Variants in GPHN observed in about 807,000 individuals in gnomAD.
The protein encoded by GPHN is gephyrin.
Under a neutral mutation model 95.5 loss-of-function variants are expected in GPHN, and 17 were observed. That is an observed-to-expected ratio of 0.18 (90% CI 0.12 to 0.27). The LOEUF (loss-of-function observed/expected upper bound fraction) is 0.27. GPHN is among the 10% of genes least tolerant of loss of function. The pLI, the probability that GPHN is intolerant of heterozygous loss-of-function variation, is 1.00. For missense variants in GPHN, 660 were observed against 978.1 expected, an observed-to-expected ratio of 0.67 and a Z score of 4.34; for synonymous variants, 320 against 322.5, an observed-to-expected ratio of 0.99 and a Z score of 0.08.
At chr14:66,725,869 A>T (rs1356413647) in intron 2 of GPHN, among the ~76,000 whole-genome samples, 15 of 152,352 alleles carry the variant, frequency 9.8e-5, no homozygotes, top group Non-Finnish European at 1.8e-4. Context: ...CATGCCTGGT[A>T]TTGAAAAAAT....
chr14:67,562,767 T>G, the GPHN span: 1 of 1,613,768 alleles, frequency 6.2e-7, no homozygotes, highest in Middle Eastern at 1.6e-4. Context: ...AAGATGGAGA[T>G]GGAGGAGCCA....
Position 66,885,837 on chromosome 14 carries a change from T to TA in GPHN, c.389+5804_389+5805insA, listed in dbSNP as rs1421887904. 3.8e-3 allele frequency among the ~76,000 whole-genome samples: 461 copies of TA among 121,528 alleles called. 8 individuals carry two copies. Among genetic ancestry groups the TA allele is most frequent in the African/African-American group, 0.019 (431 of 23,174 alleles). The allele number at this position is 121,528 out of a possible 152,430, so 79.7% of individuals were successfully genotyped here. ...CTTACACAGAACACTTTATAACAAT[T>TA]TAAAAAAAAAAAAAAGCAAACCCTA... On this transcript the variant is annotated intron_variant, in intron 5 of 22. Coordinates refer to ENST00000478722, the MANE Select transcript of GPHN (RefSeq NM_020806.5).
the GPHN span, among the ~76,000 whole-genome samples, chr14:67,211,587 T>C: frequency 6.6e-6 from 1 of 152,290 alleles, no homozygotes; most frequent in Non-Finnish European, 1.5e-5. Flanking sequence ...AAAGTAAAAA[T>C]TATTTTAACA....
intron 3 of GPHN, among the ~76,000 whole-genome samples, chr14:66,785,644 A>C (rs1024915865): frequency 9.9e-5 from 15 of 151,700 alleles, no homozygotes; most frequent in Non-Finnish European, 1.9e-4. Context: ...ATCATAAAAC[A>C]AACCAAAACA....
the GPHN span, among the ~76,000 whole-genome samples, chr14:67,437,944 A>G: frequency 6.6e-6 from 1 of 152,066 alleles, no homozygotes; most frequent in African/African-American, 2.4e-5. Context: ...ATTAGACCTC[A>G]TTTTTATATG....
chr14:67,440,109 T>C, the GPHN span, among the ~76,000 whole-genome samples: 1 of 152,208 alleles, frequency 6.6e-6, no homozygotes, highest in Non-Finnish European at 1.5e-5. Context: ...GTGCTGGGAT[T>C]ACAGGCGTGA....
intron 1 of GPHN, among the ~76,000 whole-genome samples, chr14:66,662,826 G>A (rs1251855185): frequency 6.6e-6 from 1 of 152,194 alleles, no homozygotes; most frequent in African/African-American, 2.4e-5. Flanking sequence ...AGTTCATAAT[G>A]TAATTCCAAG....
chr14:66,834,437 C>T (rs1030530882), intron 4 of GPHN, among the ~76,000 whole-genome samples: 1 of 152,046 alleles, frequency 6.6e-6, no homozygotes, highest in African/African-American at 2.4e-5. Context: ...CCCATCAATA[C>T]CTAATTTATT....
the GPHN span, among the ~76,000 whole-genome samples, chr14:67,500,965 T>C: frequency 6.6e-6 from 1 of 151,480 alleles, no homozygotes; most frequent in Admixed American, 6.6e-5. Context: ...ATCTTCCAGA[T>C]GAAAGTAGAA....
chr14:67,567,610 C>T, the GPHN span, among the ~76,000 whole-genome samples: 1 of 152,114 alleles, frequency 6.6e-6, no homozygotes, highest in African/African-American at 2.4e-5. Context: ...GCCCCTCTGT[C>T]TCCTGCCGCC....
In GPHN at chr14:66,639,825, A is replaced by T. The variant is rs111915058; in HGVS notation, c.65-41282A>T. On this transcript the variant is annotated intron_variant, in intron 1 of 22. Transcript: ENST00000478722. ...AATTGATTTATAAGTTTATACATCT[A>T]CAAATTTTAACAGATATATACATAT... Among the ~76,000 whole-genome samples the T allele has an allele frequency of 3.7e-3, 556 of 152,266 alleles. 12 individuals are homozygous for T. Among genetic ancestry groups the T allele is most frequent in the African/African-American group, 0.013 (530 of 41,562 alleles).
At chr14:67,494,610 GT>G in the GPHN span, among the ~76,000 whole-genome samples, 3 of 152,244 alleles carry the variant, frequency 2.0e-5, no homozygotes, top group African/African-American at 7.2e-5. Context: ...GGGTTGAGAG[GT>G]AGGGGATGCC....
intron 5 of GPHN, among the ~76,000 whole-genome samples, chr14:66,906,977 G>A (rs550322781): frequency 1.3e-5 from 2 of 152,200 alleles, no homozygotes; most frequent in African/African-American, 2.4e-5. Flanking sequence ...GTTGATTTGT[G>A]TTGCTGAGTT....
chr14:67,451,629 C>T, the GPHN span, among the ~76,000 whole-genome samples: 1 of 151,882 alleles, frequency 6.6e-6, no homozygotes, highest in Admixed American at 6.6e-5. Flanking sequence ...CAATTTCTCC[C>T]ATTTGGAATG....
chr14:67,394,888 G>A, the GPHN span, among the ~76,000 whole-genome samples: 1 of 152,128 alleles, frequency 6.6e-6, no homozygotes, highest in Non-Finnish European at 1.5e-5. Context: ...AAGCATGTTA[G>A]CATGCTCAGC....
intron 1 of GPHN, among the ~76,000 whole-genome samples, chr14:66,622,884 T>C (rs2063365428): frequency 6.6e-6 from 1 of 152,210 alleles, no homozygotes. Flanking sequence ...TTTTCCTGTC[T>C]TCTTCTGAGC....
Position 66,822,722 on chromosome 14 carries a change from T to C in GPHN, c.202-1752T>C, listed in dbSNP as rs1037316029. On this transcript the variant is annotated intron_variant, in intron 3 of 22. Coordinates refer to ENST00000478722, the MANE Select transcript of GPHN (RefSeq NM_020806.5). The stretch of plus-strand genomic sequence containing the variant: ...TTGAAAAGTTTGAATACCCTCTTAA[T>C]GTTAATACTGAAAGTTGGTATTTGA... Among the ~76,000 whole-genome samples, 5 of 152,212 alleles carry C rather than the reference T, an allele frequency of 3.3e-5. No homozygotes were observed. In the South Asian group the frequency reaches 6.2e-4, roughly 19 times the overall value.
At chr14:67,487,444 A>C in the GPHN span, among the ~76,000 whole-genome samples, 1 of 152,204 alleles carries the variant, frequency 6.6e-6, no homozygotes, top group Non-Finnish European at 1.5e-5. Flanking sequence ...ACACTTGTGA[A>C]TCTGAGAGGG....
chr14:67,000,643 CACT>C (rs2072150829), intron 9 of GPHN, among the ~76,000 whole-genome samples: 1 of 151,564 alleles, frequency 6.6e-6, no homozygotes, highest in South Asian at 2.1e-4. Context: ...CTTTTGAAAA[CACT>C]ACAACTGCTG....
Sources: gnomAD v4.1 joint callset for allele counts (sites outside exome capture counted in the v4.1 genomes callset) on GRCh38, gnomAD v4.1.1 for gene constraint, MANE v1.5 for transcripts, NCBI Gene and HGNC (gene_info 2026-07-23, HGNC 2026-07-21) for gene names.